The following STAG2 variants were observed in gnomAD, a reference collection of about 807,000 sequenced individuals.
The protein encoded by STAG2 is STAG2 cohesin complex component, also known as cohesin subunit SA-2.
A neutral mutation model predicts 108.1 loss-of-function variants in STAG2; 14 were observed. The observed-to-expected ratio is 0.13, with a 90% CI of 0.09 to 0.20. The LOEUF (loss-of-function observed/expected upper bound fraction) is 0.20. Among genes scored for constraint, STAG2 ranks in the 10% least tolerant of loss-of-function variants. The pLI, the probability that STAG2 is intolerant of heterozygous loss-of-function variation, is 1.00. For synonymous variants in STAG2, 307 were observed against 302.7 expected (o/e 1.01, Z -0.15); for missense variants, 440 against 940.9 (o/e 0.47, Z 6.96).
intron 30 of STAG2, among the ~76,000 whole-genome samples, chrX:124,088,180 C>T (rs1466965928): frequency 9.1e-6 from 1 of 110,414 alleles, no homozygotes; most frequent in East Asian, 2.8e-4. Context: ...ATCTCTCTCT[C>T]TCTTTTTTTT....
At chrX:123,965,235 ATATTCT>A (rs1209421309) in intron 1 of STAG2, among the ~76,000 whole-genome samples, 6 of 111,922 alleles carry the variant, frequency 5.4e-5, no homozygotes, top group Non-Finnish European at 1.1e-4. Context: ...TCATATACAA[ATATTCT>A]TAGTAGATGG....
chrX:123,995,079 T>G (rs1437761910), intron 1 of STAG2, among the ~76,000 whole-genome samples: 2 of 111,636 alleles, frequency 1.8e-5, no homozygotes, highest in African/African-American at 3.3e-5. Context: ...ACAAAAAATG[T>G]GTAGAGGGGC....
intron 1 of STAG2, among the ~76,000 whole-genome samples, chrX:123,967,558 G>T (rs1408754443): frequency 9.0e-6 from 1 of 111,290 alleles, no homozygotes; most frequent in Non-Finnish European, 1.9e-5. Flanking sequence ...GAGCCACTGC[G>T]CCCAGCTGGC....
At chrX:124,093,398 A>C (rs2148500533) in intron 32 of STAG2, among the ~76,000 whole-genome samples, 1 of 108,670 alleles carries the variant, frequency 9.2e-6, no homozygotes. Flanking sequence ...TGTCATAATT[A>C]ATTGTTTATC....
intron 34 of STAG2, among the ~76,000 whole-genome samples, chrX:124,096,407 C>T (rs1426627654): frequency 1.8e-5 from 2 of 111,336 alleles, no homozygotes; most frequent in Non-Finnish European, 3.8e-5. Context: ...TTTATTTTTC[C>T]TCCTAGTAAA....
chrX:123,966,978 G>A (rs1602611167), intron 1 of STAG2, among the ~76,000 whole-genome samples: 2 of 110,224 alleles, frequency 1.8e-5, no homozygotes, highest in Admixed American at 9.7e-5. Flanking sequence ...TTTGCCTCCC[G>A]GGTTCAAGTG....
intron 1 of STAG2, among the ~76,000 whole-genome samples, chrX:123,967,256 ATTTTTTTTT>A (rs1177101640): frequency 6.0e-5 from 3 of 50,228 alleles, no homozygotes; most frequent in African/African-American, 8.6e-5. Flanking sequence ...TCAATGGTGT[ATTTTTTTTT>A]TTTTTTTTTT....
chrX:124,089,499 T>C (rs925710523), intron 30 of STAG2, among the ~76,000 whole-genome samples: 6 of 111,547 alleles, frequency 5.4e-5, no homozygotes, highest in Admixed American at 9.6e-5. Context: ...CTGCATCCCA[T>C]AGGTTGGGAA....
chrX:123,979,493 T>A (rs761142807), intron 1 of STAG2, among the ~76,000 whole-genome samples: 4 of 111,753 alleles, frequency 3.6e-5, no homozygotes, highest in African/African-American at 6.5e-5. Context: ...TGCAAGCTGA[T>A]CCTGAAGTAA....
chrX:124,073,432 G>A (rs5958384), intron 25 of STAG2, among the ~76,000 whole-genome samples: 2 of 110,623 alleles, frequency 1.8e-5, no homozygotes, highest in African/African-American at 6.6e-5. Flanking sequence ...GTGTGTGTTT[G>A]TGTGTGACAG....
chrX:123,981,211 C>T (rs1485664059), intron 1 of STAG2, among the ~76,000 whole-genome samples: 2 of 110,671 alleles, frequency 1.8e-5, no homozygotes, highest in South Asian at 3.9e-4. Flanking sequence ...AGAACATTTA[C>T]GTTGTTGTGC....
At chrX:123,967,050 ATTT>A (rs1385400288) in intron 1 of STAG2, among the ~76,000 whole-genome samples, 1 of 108,734 alleles carries the variant, frequency 9.2e-6, no homozygotes, top group East Asian at 2.9e-4. Context: ...CGCCCAGCTA[ATTT>A]TTTGTGTTTT....
At chrX:123,995,784 A>C (rs1053299973) in intron 1 of STAG2, among the ~76,000 whole-genome samples, 1 of 112,605 alleles carries the variant, frequency 8.9e-6, no homozygotes, top group African/African-American at 3.2e-5. Flanking sequence ...TAAGAAAAAT[A>C]GAGAAGTGCT....
intron 15 of STAG2, 79 bp downstream of exon 15, chrX:124,058,056 A>G (rs2058260999): frequency 1.9e-6 from 1 of 515,057 alleles, no homozygotes; most frequent in Non-Finnish European, 3.0e-6. Context: ...ATTTAAAAAA[A>G]TATTCCTTGT....
At chrX:124,029,873 T>G (rs1342557149) in intron 4 of STAG2, among the ~76,000 whole-genome samples, 1 of 111,749 alleles carries the variant, frequency 8.9e-6, no homozygotes, top group Admixed American at 9.6e-5. Context: ...ATGGCTTGTT[T>G]TCTTAAAGTA....
chrX:124,009,429 AGGTAGGTAGGTAGG>A (rs1569501836), intron 1 of STAG2, among the ~76,000 whole-genome samples: 12 of 90,005 alleles, frequency 1.3e-4, no homozygotes, highest in African/African-American at 3.4e-4. Flanking sequence ...GTAGGTAGGT[AGGTAGGTAGGTAGG>A]TAGATAGATA....
At chrX:123,971,459 A>G (rs1248843310) in intron 1 of STAG2, among the ~76,000 whole-genome samples, 2 of 112,242 alleles carry the variant, frequency 1.8e-5, no homozygotes, top group South Asian at 3.6e-4. Flanking sequence ...AGAGATTTCT[A>G]TGGGAATGAA....
rs762000022 is a variant in STAG2, at chrX:123,972,648, A to G, written c.-163+10792A>G. Among the ~76,000 whole-genome samples the G allele has an allele frequency of 3.7e-5, 4 of 109,418 alleles. No homozygotes were observed. The East Asian group carries it at 8.6e-4, about 24-fold the overall frequency. On this transcript the variant is annotated intron_variant, in intron 1 of 34. Coordinates refer to ENST00000371145, the MANE Select transcript of STAG2 (RefSeq NM_001042750.2). ...AGCTTGAAGGGGGACTGCATTTCTC[A>G]CCAGATGAAGGAATTTGTGGCCTGT...
chrX:123,961,157 C>G (rs773092258), upstream of STAG2: 2 of 105,179 alleles, frequency 1.9e-5, no homozygotes, highest in South Asian at 8.9e-4. Context: ...CCCAACACTT[C>G]CAAGGAACTT....
Sources: gnomAD v4.1 joint callset for allele counts (sites outside exome capture counted in the v4.1 genomes callset) on GRCh38, gnomAD v4.1.1 for gene constraint, MANE v1.5 for transcripts, NCBI Gene and HGNC (gene_info 2026-07-23, HGNC 2026-07-21) for gene names.